The following CEP97 variants were observed in gnomAD, a reference collection of about 807,000 sequenced individuals.
CEP97 encodes the protein centrosomal protein of 97 kDa.
CEP97 carries 43 observed loss-of-function variants against 73.1 expected under a neutral mutation model. The observed-to-expected ratio is 0.59, with a 90% CI of 0.46 to 0.76. The LOEUF (loss-of-function observed/expected upper bound fraction) is 0.76. Ranked by LOEUF, CEP97 falls within the 30% of genes least tolerant of loss-of-function variation. The pLI is 0.00. For synonymous variants in CEP97, 337 were observed against 370.0 expected (o/e 0.91, Z 1.02); for missense variants, 939 against 1,014.0 (o/e 0.93, Z 1.00).
intron 4 of CEP97, among the ~76,000 whole-genome samples, chr3:101,730,231 TTTTTG>T (rs55873092): frequency 0.048 from 6,992 of 144,850 alleles, 270 homozygotes; most frequent in East Asian, 0.15. Flanking sequence ...CGAGTCTGTT[TTTTTG>T]TTTTGTTTTG....
At chr3:101,733,525 T>A (rs976968668) in intron 6 of CEP97, among the ~76,000 whole-genome samples, 3 of 151,856 alleles carry the variant, frequency 2.0e-5, no homozygotes, top group African/African-American at 7.2e-5. Flanking sequence ...TTTTTTTTTA[T>A]TTTTTTATTT....
Position 101,757,960 on chromosome 3 carries a change from G to C in CEP97, c.1354G>C (p.Glu452Gln), listed in dbSNP as rs377406281. The C allele has an allele frequency of 1.2e-6, 2 of 1,614,120 alleles. No individual in the cohort carries two copies. The highest frequency in any genetic ancestry group is 2.7e-5 in the African/African-American group (2 of 74,944). ...GLESQVLDKE[E>Q]EQPLWAANEN... ...GGAAAGCCAGGTGTTGGATAAGGAA[G>C]AGGAACAGCCTTTATGGGCTGCAAA... is the stretch of plus-strand genomic sequence containing the variant. The change falls in exon 9 of 11, where the codon GAG becomes CAG. Residue 452 changes from glutamate (E) to glutamine (Q), a missense_variant. Transcript: ENST00000341893.
At chr3:101,754,419 C>A (rs1329782000) in intron 6 of CEP97, among the ~76,000 whole-genome samples, 2 of 152,108 alleles carry the variant, frequency 1.3e-5, no homozygotes, top group African/African-American at 2.4e-5. Flanking sequence ...AATTTTGTAT[C>A]TTAGAAACAG....
At chr3:101,735,423 A>G (rs1938244566) in intron 6 of CEP97, among the ~76,000 whole-genome samples, 1 of 152,204 alleles carries the variant, frequency 6.6e-6, no homozygotes, top group Admixed American at 6.5e-5. Context: ...CTGAATAGCA[A>G]CAGCTCTGGT....
At chr3:101,754,010 G>T (rs1938932241) in intron 6 of CEP97, among the ~76,000 whole-genome samples, 1 of 150,374 alleles carries the variant, frequency 6.7e-6, no homozygotes, top group South Asian at 2.1e-4. Context: ...CATGCTGGGA[G>T]CTGTAGACCG....
chr3:101,755,110 A>G (rs373497008), intron 6 of CEP97, among the ~76,000 whole-genome samples: 108 of 151,804 alleles, frequency 7.1e-4, no homozygotes, highest in African/African-American at 2.5e-3. Context: ...AATGCAGTTC[A>G]TCTATTTAGG....
chr3:101,742,099 G>A (rs1938478916), intron 6 of CEP97, among the ~76,000 whole-genome samples: 2 of 152,018 alleles, frequency 1.3e-5, no homozygotes, highest in Non-Finnish European at 2.9e-5. Flanking sequence ...ACAGATGCTG[G>A]AGAGGATGTT....
At chr3:101,748,709 C>T (rs111624699) in intron 6 of CEP97, among the ~76,000 whole-genome samples, 17 of 152,246 alleles carry the variant, frequency 1.1e-4, no homozygotes, top group East Asian at 1.9e-4. Flanking sequence ...GGCGCAATCT[C>T]GGCTTACTGC....
chr3:101,732,056 GA>G (rs1249472973), intron 5 of CEP97, 103 bp downstream of exon 5: 3 of 704,946 alleles, frequency 4.3e-6, no homozygotes, highest in Non-Finnish European at 7.5e-6. Flanking sequence ...CATCTTGGAA[GA>G]AACTGCCATT....
intron 4 of CEP97, among the ~76,000 whole-genome samples, chr3:101,729,306 C>G (rs1009434056): frequency 6.7e-6 from 1 of 149,954 alleles, no homozygotes; most frequent in Non-Finnish European, 1.5e-5. Flanking sequence ...TCACTGCACT[C>G]TAGCCTGGGC....
chr3:101,733,680 G>A (rs909355937), intron 6 of CEP97, among the ~76,000 whole-genome samples: 5 of 151,658 alleles, frequency 3.3e-5, no homozygotes, highest in South Asian at 2.1e-4. Flanking sequence ...ACAGGCGCCC[G>A]CCACTACGCC....
intron 4 of CEP97, among the ~76,000 whole-genome samples, chr3:101,730,257 T>TTTTGC (rs1305324480): frequency 1.3e-5 from 2 of 149,388 alleles, no homozygotes; most frequent in Non-Finnish European, 3.0e-5. Context: ...TTTTGTTTTG[T>TTTTGC]TTTGTTTTGT....
Position 101,758,154 on chromosome 3 carries a change from GAAACCAGAAAATACA to G in CEP97, c.1549_1563del (p.Lys517_Thr521del), listed in dbSNP as rs1939070306. On this transcript the variant is annotated inframe_deletion, in exon 9 of 11. Coordinates refer to ENST00000341893, the MANE Select transcript of CEP97 (RefSeq NM_024548.4). ...CTGAGCAGAAACAATCAGACATAAAGAAACCAGAAAATACACAACCAGAAAATAAAGAAACCATAT... is the reference window on the plus strand; with the variant it reads ...CTGAGCAGAAACAATCAGACATAAAGCAACCAGAAAATAAAGAAACCATAT... 3.1e-6 allele frequency: 5 copies of G among 1,613,700 alleles called. No homozygotes were observed. In the African/African-American group the frequency reaches 6.7e-5, roughly 22 times the overall value.
At chr3:101,745,457 G>C (rs1479140815) in intron 6 of CEP97, among the ~76,000 whole-genome samples, 1 of 151,900 alleles carries the variant, frequency 6.6e-6, no homozygotes, top group Non-Finnish European at 1.5e-5. Context: ...GTAGAGATGG[G>C]TTATTGCTAT....
Position 101,755,595 on chromosome 3 carries a change from G to A in CEP97, c.893+1G>A. 2.5e-6 allele frequency: 4 copies of A among 1,613,728 alleles called. No homozygotes were observed. The highest frequency in any genetic ancestry group is 2.5e-6 in the Non-Finnish European group (3 of 1,179,746). ...TAGAGAAGATTTTGAGCAAACAGAG[G>A]TAAGCCCATTTATTTCTAACAACTG... On this transcript the variant is annotated splice_donor_variant, in intron 7 of 10. Coordinates refer to ENST00000341893, the MANE Select transcript of CEP97 (RefSeq NM_024548.4). LOFTEE classifies it high-confidence loss of function.
At chr3:101,727,668 A>T (rs1317638700) in intron 3 of CEP97, 127 bp downstream of exon 3, 1 of 680,910 alleles carries the variant, frequency 1.5e-6, no homozygotes, top group Admixed American at 3.4e-5. Context: ...CTGTTAAAAT[A>T]AACTAAAAAT....
At chr3:101,756,037 G>A (rs184960843) in intron 7 of CEP97, among the ~76,000 whole-genome samples, 109 of 151,802 alleles carry the variant, frequency 7.2e-4, no homozygotes, top group African/African-American at 2.4e-3. Context: ...CAGGAAACGG[G>A]ATAGGATTTT....
intron 6 of CEP97, among the ~76,000 whole-genome samples, chr3:101,747,206 G>T (rs1938644438): frequency 1.3e-5 from 2 of 151,358 alleles, no homozygotes; most frequent in Non-Finnish European, 2.9e-5. Context: ...TATAAATCAT[G>T]CTGTTGGAGC....
intron 6 of CEP97, among the ~76,000 whole-genome samples, chr3:101,744,456 G>A (rs1457322292): frequency 6.6e-6 from 1 of 151,992 alleles, no homozygotes; most frequent in Non-Finnish European, 1.5e-5. Context: ...GGTAGCACAT[G>A]CCTGTAATTC....
Sources: allele counts gnomAD v4.1 joint callset (sites outside exome capture counted in the v4.1 genomes callset), GRCh38; gene constraint gnomAD v4.1.1; transcripts MANE v1.5; gene names NCBI Gene and HGNC (gene_info 2026-07-23, HGNC 2026-07-21).